The following R3HDM1 variants were observed in gnomAD, a reference collection of about 807,000 sequenced individuals.
R3HDM1 encodes the protein R3H domain containing 1.
Under a neutral mutation model 141.1 loss-of-function variants are expected in R3HDM1, and 46 were observed. That is an observed-to-expected ratio of 0.33 (90% CI 0.26 to 0.42). The LOEUF (loss-of-function observed/expected upper bound fraction) is 0.42, where lower values mean the gene tolerates loss of function less well. Ranked by LOEUF, R3HDM1 falls within the 10% of genes least tolerant of loss-of-function variation. R3HDM1 has a pLI of 1.00. For synonymous variants in R3HDM1, 435 were observed against 472.9 expected (o/e 0.92, Z 1.04); for missense variants, 1,184 against 1,368.3 (o/e 0.87, Z 2.12).
chr2:135,557,632 G>A (rs1259222203), intron 1 of R3HDM1, among the ~76,000 whole-genome samples: 1 of 152,180 alleles, frequency 6.6e-6, no homozygotes, highest in African/African-American at 2.4e-5. Flanking sequence ...GATCCCGATA[G>A]CAGTGAGCCA....
At chr2:135,539,377 ATGTGT>A (rs575846899) in intron 1 of R3HDM1, among the ~76,000 whole-genome samples, 43 of 152,306 alleles carry the variant, frequency 2.8e-4, no homozygotes, top group Non-Finnish European at 2.8e-4. Context: ...CACGTGAGTA[ATGTGT>A]TGTGTTATGA....
At chr2:135,704,095 C>A (rs2074576577) in intron 21 of R3HDM1, among the ~76,000 whole-genome samples, 1 of 152,204 alleles carries the variant, frequency 6.6e-6, no homozygotes, top group African/African-American at 2.4e-5. Flanking sequence ...GTTCTCCTGC[C>A]TCAGCCTCCT....
intron 1 of R3HDM1, among the ~76,000 whole-genome samples, chr2:135,591,331 A>G: frequency 6.6e-6 from 1 of 152,230 alleles, no homozygotes; most frequent in East Asian, 1.9e-4. Context: ...TCATTTAGTT[A>G]TATATTAGTA....
At chr2:135,597,840 A>G (rs1574205361) in intron 1 of R3HDM1, among the ~76,000 whole-genome samples, 6 of 152,286 alleles carry the variant, frequency 3.9e-5, no homozygotes, top group Admixed American at 3.9e-4. Context: ...TGATTTTTAA[A>G]TATTTTGTTA....
intron 1 of R3HDM1, among the ~76,000 whole-genome samples, chr2:135,588,203 G>A (rs1708388805): frequency 6.6e-6 from 1 of 151,668 alleles, no homozygotes; most frequent in Non-Finnish European, 1.5e-5. Context: ...GTCCCTATCT[G>A]TTAGTCTCTG....
chr2:135,574,805 G>A (rs1705000814), intron 1 of R3HDM1, among the ~76,000 whole-genome samples: 1 of 152,048 alleles, frequency 6.6e-6, no homozygotes, highest in Non-Finnish European at 1.5e-5. Context: ...TAGGGATTGT[G>A]GGATACATTT....
chr2:135,721,623 C>T lies in R3HDM1; in HGVS notation c.2882-301C>T, dbSNP rs551482110. Reference sequence around the variant, plus strand: ...ATTTTTTTGAGACAGTCTCTCACTCCGTCACCCAGTCTGGAATATAGTGGC... The same window carrying T: ...ATTTTTTTGAGACAGTCTCTCACTCTGTCACCCAGTCTGGAATATAGTGGC... On this transcript the variant is annotated intron_variant, in intron 24 of 26. Transcript: ENST00000683871. The T allele has an allele frequency of 4.9e-5, 10 of 204,270 alleles. No individual in the cohort carries two copies. In the East Asian group the frequency reaches 7.5e-4, roughly 15 times the overall value. The allele number at this position is 204,270 out of a possible 1,614,324, so 12.7% of individuals were successfully genotyped here.
chr2:135,708,611 C>T (rs1318427469), intron 21 of R3HDM1, among the ~76,000 whole-genome samples: 1 of 152,004 alleles, frequency 6.6e-6, no homozygotes, highest in African/African-American at 2.4e-5. Flanking sequence ...TAAAAAAATT[C>T]TAGAAAAAAC....
intron 19 of R3HDM1, among the ~76,000 whole-genome samples, chr2:135,668,789 C>G (rs376666978): frequency 2.0e-5 from 3 of 152,216 alleles, no homozygotes; most frequent in East Asian, 1.9e-4. Flanking sequence ...GCAAAGCAGC[C>G]TGACTTTGTG....
chr2:135,707,374 A>G (rs1371364429), intron 21 of R3HDM1, among the ~76,000 whole-genome samples: 3 of 152,160 alleles, frequency 2.0e-5, no homozygotes, highest in East Asian at 3.8e-4. Context: ...TGCCTAGTCT[A>G]TGTCCCTTGA....
At chr2:135,613,845 G>A (rs2060774332) in intron 3 of R3HDM1, among the ~76,000 whole-genome samples, 1 of 152,132 alleles carries the variant, frequency 6.6e-6, no homozygotes. Flanking sequence ...TCCTTTCTTA[G>A]CAGTACCTTG....
At position 135,677,498 on chromosome 2, in the gene R3HDM1, C is replaced by G. The variant is rs531623327; in HGVS notation, c.2307+2012C>G. 8.5e-5 allele frequency among the ~76,000 whole-genome samples: 13 copies of G among 152,162 alleles called. No individual in the cohort carries two copies. In the East Asian group the frequency reaches 1.4e-3, roughly 16 times the overall value. On this transcript the variant is annotated intron_variant, in intron 20 of 26. Transcript: ENST00000683871. ...TCAGCATGTAAGATCTGCCCTTAAT[C>G]TTTGGGGGCTTACATCTAGTAAGAG...
intron 19 of R3HDM1, among the ~76,000 whole-genome samples, chr2:135,674,060 C>T (rs1441471491): frequency 2.6e-5 from 4 of 152,160 alleles, no homozygotes; most frequent in African/African-American, 7.2e-5. Context: ...GTGTAAGCCA[C>T]CACACCTGGC....
intron 1 of R3HDM1, among the ~76,000 whole-genome samples, chr2:135,588,055 ATCTT>A (rs1708346876): frequency 6.7e-6 from 1 of 148,250 alleles, no homozygotes; most frequent in Admixed American, 6.7e-5. Context: ...TCTCTCTTTT[ATCTT>A]TCTACCTCCC....
At chr2:135,619,189 A>G (rs1270027494) in intron 5 of R3HDM1, among the ~76,000 whole-genome samples, 1 of 152,332 alleles carries the variant, frequency 6.6e-6, no homozygotes, top group African/African-American at 2.4e-5. Context: ...AAAGAGATTG[A>G]GGAAAGAAGG....
At chr2:135,535,099 T>C (rs1248136953) in intron 1 of R3HDM1, among the ~76,000 whole-genome samples, 1 of 152,194 alleles carries the variant, frequency 6.6e-6, no homozygotes, top group Non-Finnish European at 1.5e-5. Flanking sequence ...CAAATGGTAA[T>C]GTAATTTTCA....
intron 7 of R3HDM1, among the ~76,000 whole-genome samples, chr2:135,627,315 A>G (rs569336311): frequency 1.3e-5 from 2 of 152,270 alleles, no homozygotes; most frequent in South Asian, 4.1e-4. Flanking sequence ...AAATTTAGTC[A>G]GCCTTTCCTT....
chr2:135,649,834 C>A, intron 16 of R3HDM1, 68 bp from the exon 17 acceptor site: 1 of 951,688 alleles, frequency 1.1e-6, no homozygotes, highest in Non-Finnish European at 1.3e-6. Flanking sequence ...TGTAAATTTC[C>A]GTTTTATGCA....
chr2:135,580,390 T>TA (rs1419256919), intron 1 of R3HDM1, among the ~76,000 whole-genome samples: 1 of 152,242 alleles, frequency 6.6e-6, no homozygotes, highest in African/African-American at 2.4e-5. Context: ...CTATTTGAAC[T>TA]AAGACTGAAT....
Sources: gnomAD v4.1 joint callset for allele counts (sites outside exome capture counted in the v4.1 genomes callset) on GRCh38, gnomAD v4.1.1 for gene constraint, MANE v1.5 for transcripts, NCBI Gene and HGNC (gene_info 2026-07-23, HGNC 2026-07-21) for gene names.